Variants in PCDHA2 observed in about 807,000 individuals in gnomAD.
PCDHA2 encodes protocadherin alpha-2.
Under a neutral mutation model 66.0 loss-of-function variants are expected in PCDHA2, and 58 were observed. That is an observed-to-expected ratio of 0.88 (90% confidence interval 0.71 to 1.09). PCDHA2 has a LOEUF of 1.09. Ranked by LOEUF, PCDHA2 falls within the 50% of genes least tolerant of loss-of-function variation. PCDHA2 has a pLI of 0.00. For missense variants in PCDHA2, 1,267 were observed against 1,242.3 expected, an observed-to-expected ratio of 1.02 and a Z score of -0.30; for synonymous variants, 634 against 554.0, an observed-to-expected ratio of 1.14 and a Z score of -2.03.
Position 140,796,453 on chromosome 5 carries a change from C to A in PCDHA2, c.1489C>A (p.Arg497=), listed in dbSNP as rs994374516. The change falls in exon 1 of 4, where the codon CGG becomes AGG. Residue 497 remains arginine (R), a synonymous_variant. Coordinates refer to ENST00000526136, the MANE Select transcript of PCDHA2 (RefSeq NM_018905.3). Reference sequence around the variant, plus strand: ...GCTGGTGTCCTACTCGCTGGTGGAGCGGCGGGTGGGCGAGCGCGCGTTGTC... The same window carrying A: ...GCTGGTGTCCTACTCGCTGGTGGAGAGGCGGGTGGGCGAGCGCGCGTTGTC... The part of the protein sequence containing the change: ...NALVSYSLVE[R]RVGERALSSY... The A allele has an allele frequency of 1.9e-6, 3 of 1,612,940 alleles. No homozygotes were observed. The African/African-American group carries it at 4.0e-5, about 21-fold the overall frequency.
chr5:140,801,650 G>A (rs1336812837), intron 1 of PCDHA2: 5 of 1,614,058 alleles, frequency 3.1e-6, no homozygotes, highest in Non-Finnish European at 3.4e-6. Flanking sequence ...CTGGCTCTCG[G>A]TTTTCGCTAG....
chr5:140,963,895 T>C (rs1331133094), intron 1 of PCDHA2, among the ~76,000 whole-genome samples: 2 of 152,224 alleles, frequency 1.3e-5, no homozygotes, highest in Non-Finnish European at 2.9e-5. Flanking sequence ...TTAATTAAAA[T>C]GAGTAAAGTG....
intron 1 of PCDHA2, among the ~76,000 whole-genome samples, chr5:140,972,660 A>ATTT (rs11350929): frequency 1.0e-4 from 12 of 117,258 alleles, no homozygotes; most frequent in Non-Finnish European, 1.7e-4. Flanking sequence ...AAGAAACCAA[A>ATTT]TTTTTTTTTT....
intron 3 of PCDHA2, among the ~76,000 whole-genome samples, chr5:140,991,118 A>T (rs2153893669): frequency 6.6e-6 from 1 of 152,340 alleles, no homozygotes; most frequent in South Asian, 2.1e-4. Context: ...GCTTTCTTAC[A>T]TTCACACAGC....
intron 1 of PCDHA2, among the ~76,000 whole-genome samples, chr5:140,933,958 G>A (rs2089541288): frequency 1.3e-5 from 2 of 151,998 alleles, no homozygotes; most frequent in South Asian, 4.1e-4. Context: ...AGGATCTGTA[G>A]TGATGTTTCC....
intron 1 of PCDHA2, among the ~76,000 whole-genome samples, chr5:140,974,881 C>A (rs191346198): frequency 6.6e-6 from 1 of 152,228 alleles, no homozygotes; most frequent in African/African-American, 2.4e-5. Flanking sequence ...GTCTATGTAT[C>A]CCTTTTCTGA....
At chr5:140,959,859 T>A (rs2095514385) in intron 1 of PCDHA2, among the ~76,000 whole-genome samples, 1 of 152,192 alleles carries the variant, frequency 6.6e-6, no homozygotes, top group South Asian at 2.1e-4. Context: ...AGGAATTATG[T>A]AGCAAAATCT....
chr5:140,905,918 T>G (rs536445399), intron 1 of PCDHA2, among the ~76,000 whole-genome samples: 1 of 152,280 alleles, frequency 6.6e-6, no homozygotes, highest in Non-Finnish European at 1.5e-5. Context: ...GAATCCAATC[T>G]GAGTCCCAAA....
chr5:140,867,344 C>G (rs2049899948), intron 1 of PCDHA2: 1 of 152,034 alleles, frequency 6.6e-6, no homozygotes, highest in South Asian at 2.1e-4. Flanking sequence ...TTAGAGGCTA[C>G]TATGATTGAT....
At chr5:140,957,897 C>A (rs1563294637) in intron 1 of PCDHA2, among the ~76,000 whole-genome samples, 2 of 151,908 alleles carry the variant, frequency 1.3e-5, no homozygotes, top group East Asian at 3.9e-4. Context: ...TGGCATCAAC[C>A]AAGGCATATT....
At chr5:140,818,013 C>T (rs2150099839) in intron 1 of PCDHA2, among the ~76,000 whole-genome samples, 37 of 152,152 alleles carry the variant, frequency 2.4e-4, no homozygotes, top group African/African-American at 8.4e-4. Flanking sequence ...TCACTTTTAA[C>T]AGCTTTACTA....
At chr5:140,994,631 G>A (rs978359081) in intron 3 of PCDHA2, among the ~76,000 whole-genome samples, 1 of 152,106 alleles carries the variant, frequency 6.6e-6, no homozygotes, top group Non-Finnish European at 1.5e-5. Flanking sequence ...CTTGAACCTG[G>A]AAGGTGGAGG....
At position 140,821,912 on chromosome 5, in the gene PCDHA2, G is replaced by T. The variant is rs2150111896; in HGVS notation, c.2388+24560G>T. The T allele has an allele frequency of 4.8e-5, 77 of 1,614,108 alleles. No homozygotes were observed. The highest frequency in any genetic ancestry group is 6.4e-5 in the Non-Finnish European group (76 of 1,180,052). On this transcript the variant is annotated intron_variant, in intron 1 of 3. Coordinates refer to ENST00000526136, the MANE Select transcript of PCDHA2 (RefSeq NM_018905.3). ...GCCAAACACGGAACCTTCGTTGGCC[G>T]CATCGCGCAGGACCTAGGGCTGGAG...
rs2150133242 is a variant in PCDHA2, at chr5:140,824,221, T to C, written c.2388+26869T>C. 5 of 1,560,374 alleles carry C rather than the reference T, an allele frequency of 3.2e-6. No homozygotes were observed. The Admixed American group carries it at 8.4e-5, about 26-fold the overall frequency. ...ACTTTTTTTGTATTTAAAAATTATG[T>C]CTTAGTACACAAATATTGTGGTACA... On this transcript the variant is annotated intron_variant, in intron 1 of 3. Transcript: ENST00000526136.
chr5:140,901,599 A>C (rs1196199794), intron 1 of PCDHA2, among the ~76,000 whole-genome samples: 1 of 152,132 alleles, frequency 6.6e-6, no homozygotes, highest in Non-Finnish European at 1.5e-5. Flanking sequence ...TTTGGTTACT[A>C]TATCTCTATG....
chr5:140,983,483 C>T (rs2097053951), intron 3 of PCDHA2, among the ~76,000 whole-genome samples: 1 of 152,220 alleles, frequency 6.6e-6, no homozygotes, highest in African/African-American at 2.4e-5. Flanking sequence ...ATAGTAGTTA[C>T]TAATTATTAA....
intron 1 of PCDHA2, among the ~76,000 whole-genome samples, chr5:140,941,183 T>C (rs2092749314): frequency 8.3e-6 from 1 of 120,094 alleles, no homozygotes; most frequent in African/African-American, 3.0e-5. Flanking sequence ...AACATCCTGC[T>C]TCTTTTTTTT....
At chr5:140,824,024 C>G in intron 1 of PCDHA2, 5 of 1,614,122 alleles carry the variant, frequency 3.1e-6, no homozygotes, top group Non-Finnish European at 4.2e-6. Flanking sequence ...TGGTCGTACT[C>G]GCAGCAGAGG....
Position 140,795,055 on chromosome 5 carries a change from C to T in PCDHA2, c.91C>T (p.Leu31Phe). ...LAAWEVGSGQLRYSVPEEAKH... is the reference protein window; with the variant it reads ...LAAWEVGSGQFRYSVPEEAKH... ...AGCCTGGGAGGTGGGGAGCGGCCAG[C>T]TCCGCTACTCCGTCCCCGAGGAGGC... The change falls in exon 1 of 4, where the codon CTC becomes TTC. Residue 31 changes from leucine (L) to phenylalanine (F), a missense_variant. Transcript: ENST00000526136. The T allele has an allele frequency of 6.2e-7, 1 of 1,613,888 alleles. No homozygotes were observed. Among genetic ancestry groups the T allele is most frequent in the Non-Finnish European group, 8.5e-7 (1 of 1,180,032 alleles).
Sources: allele counts gnomAD v4.1 joint callset (sites outside exome capture counted in the v4.1 genomes callset), GRCh38; gene constraint gnomAD v4.1.1; transcripts MANE v1.5; gene names NCBI Gene and HGNC (gene_info 2026-07-23, HGNC 2026-07-21).